The following DLGAP1 variants were observed in gnomAD, a reference collection of about 807,000 sequenced individuals.
DLGAP1 encodes the protein disks large-associated protein 1.
Under a neutral mutation model 90.8 loss-of-function variants are expected in DLGAP1, and 11 were observed. That is an observed-to-expected ratio of 0.12 (90% CI 0.08 to 0.20). The LOEUF is 0.20. DLGAP1 is among the 10% of genes least tolerant of loss of function. The pLI, the probability that DLGAP1 is intolerant of heterozygous loss-of-function variation, is 1.00. For synonymous variants in DLGAP1, 558 were observed against 540.7 expected (o/e 1.03, Z -0.44); for missense variants, 1,050 against 1,333.8 (o/e 0.79, Z 3.31).
intron 1 of DLGAP1, among the ~76,000 whole-genome samples, chr18:4,334,039 G>A (rs1379214641): frequency 6.6e-6 from 1 of 151,578 alleles, no homozygotes; most frequent in Non-Finnish European, 1.5e-5. Context: ...AGGAGTTCGA[G>A]ACCAGCCTGA....
Position 3,729,342 on chromosome 18 carries a change from A to T in DLGAP1, c.1384T>A (p.Ser462Thr). Reference sequence around the variant, plus strand: ...TCGCTGAACACGGACTCGCACACGGACTCGAACTGCCCGTTCACTTCCATC... The same window carrying T: ...TCGCTGAACACGGACTCGCACACGGTCTCGAACTGCCCGTTCACTTCCATC... The part of the protein sequence containing the change: ...SEMEVNGQFE[S>T]VCESVFSELE... The change falls in exon 7 of 13, where the codon TCC (serine) becomes ACC (threonine). Residue 462 changes from serine to threonine, a missense_variant. Physicochemically the swap from Ser to Thr is moderately conservative, Grantham distance 58. This residue lies in a region of DLGAP1 where 565 missense variants were observed against 879.7 expected (regional missense o/e 0.64). Transcript: ENST00000315677. This position sits in a 1 kb window ranked among gnomAD's most constrained non-coding sequence, Gnocchi z 6.2. 3.1e-6 allele frequency: 5 copies of T among 1,613,746 alleles called. No individual in the cohort carries two copies. Among genetic ancestry groups the T allele is most frequent in the Non-Finnish European group, 4.2e-6 (5 of 1,179,766 alleles).
At position 4,114,056 on chromosome 18, in the gene DLGAP1, CTTT is replaced by C. The variant is rs58180172; in HGVS notation, c.-159+37121_-159+37123del. ...AAGTTGAGTAATGTGATGCCTCTGG[CTTT>C]TTTTTTTTTTTTTTTTTGGTTTGCT... On this transcript the variant is annotated intron_variant, in intron 2 of 12. Coordinates refer to ENST00000315677, the MANE Select transcript of DLGAP1 (RefSeq NM_004746.4). Among the ~76,000 whole-genome samples, 540 of 106,894 alleles carry C rather than the reference CTTT, an allele frequency of 5.1e-3. 1 individual carries two copies. The highest frequency in any genetic ancestry group is 0.024 in the South Asian group (84 of 3,464). The allele number at this position is 106,894 out of a possible 152,430, so 70.1% of individuals were successfully genotyped here. A position where few individuals can be genotyped will look rare whatever the true frequency, so the allele number is the denominator to read the frequency against.
At chr18:4,246,270 T>TA (rs199707125) in intron 1 of DLGAP1, among the ~76,000 whole-genome samples, 1,712 of 151,134 alleles carry the variant, frequency 0.011, 16 homozygotes, top group African/African-American at 0.021. Flanking sequence ...CCTGATTTGA[T>TA]AAAAAAAAGG....
chr18:3,879,072 G>C lies in DLGAP1; in HGVS notation c.957+40C>G. The C allele has an allele frequency of 2.1e-6, 3 of 1,434,870 alleles. No individual in the cohort carries two copies. Among genetic ancestry groups the C allele is most frequent in the East Asian group, 2.4e-5 (1 of 40,952 alleles). The allele number at this position is 1,434,870 out of a possible 1,614,324, so 88.9% of individuals were successfully genotyped here. A position where few individuals can be genotyped will look rare whatever the true frequency, so the allele number is the denominator to read the frequency against. On this transcript the variant is annotated intron_variant, in intron 4 of 12. Transcript: ENST00000315677. The surrounding 1 kb of genome is among the most constrained non-coding windows in gnomAD (Gnocchi z 6.6). ...GAGAAATGCCCACACAAGCATGCCA[G>C]GTACTACTTCTAAGCCTCCATCATT...
intron 3 of DLGAP1, among the ~76,000 whole-genome samples, chr18:3,920,395 T>C (rs1442517972): frequency 6.6e-6 from 1 of 150,920 alleles, no homozygotes; most frequent in Non-Finnish European, 1.5e-5. Flanking sequence ...TTTCCTGATC[T>C]GTTTTCGTGA....
intron 3 of DLGAP1, among the ~76,000 whole-genome samples, chr18:3,955,902 C>G (rs2073075560): frequency 6.6e-6 from 1 of 152,022 alleles, no homozygotes; most frequent in African/African-American, 2.4e-5. Context: ...AAATAAAACA[C>G]ATAGAAAAAA....
At chr18:4,315,727 A>G (rs2080509444) in intron 1 of DLGAP1, among the ~76,000 whole-genome samples, 1 of 152,246 alleles carries the variant, frequency 6.6e-6, no homozygotes, top group African/African-American at 2.4e-5. Context: ...GACTGGTAAA[A>G]TTACACAAAC....
chr18:3,511,380 T>C (rs1028794147), intron 10 of DLGAP1, among the ~76,000 whole-genome samples: 7 of 152,190 alleles, frequency 4.6e-5, no homozygotes, highest in Non-Finnish European at 8.8e-5. Context: ...TTCACATTTG[T>C]TGCACATGCC....
At chr18:3,719,514 G>A (rs1213424103) in intron 7 of DLGAP1, among the ~76,000 whole-genome samples, 11 of 136,212 alleles carry the variant, frequency 8.1e-5, no homozygotes, top group East Asian at 2.1e-4. Context: ...CTGAGAGCGC[G>A]CCACTGCACT....
chr18:3,532,258 T>C (rs962820107), intron 10 of DLGAP1, among the ~76,000 whole-genome samples: 3 of 152,180 alleles, frequency 2.0e-5, no homozygotes, highest in Non-Finnish European at 4.4e-5. Context: ...CTCATCATGT[T>C]AAACTCTACT....
intron 1 of DLGAP1, among the ~76,000 whole-genome samples, chr18:4,395,203 C>T (rs1289594904): frequency 6.6e-6 from 1 of 152,168 alleles, no homozygotes; most frequent in African/African-American, 2.4e-5. Flanking sequence ...CACATTTTCC[C>T]CTATTGACAT....
intron 4 of DLGAP1, among the ~76,000 whole-genome samples, chr18:3,828,248 T>C (rs1265621096): frequency 2.0e-5 from 3 of 152,168 alleles, no homozygotes; most frequent in African/African-American, 4.8e-5. Flanking sequence ...TTATCACATG[T>C]GCAAAGTTAG....
At chr18:4,099,353 G>A (rs72872632) in intron 2 of DLGAP1, among the ~76,000 whole-genome samples, 179 of 85,484 alleles carry the variant, frequency 2.1e-3, no homozygotes, top group Non-Finnish European at 2.4e-3. Flanking sequence ...CTATCTGTCT[G>A]TCTGTCTATC....
intron 5 of DLGAP1, among the ~76,000 whole-genome samples, chr18:3,767,291 T>G (rs2064292698): frequency 6.6e-6 from 1 of 152,212 alleles, no homozygotes; most frequent in Admixed American, 6.5e-5. Flanking sequence ...CAGGTCCAGA[T>G]GGTTTCACAG....
Position 3,523,340 on chromosome 18 carries a change from G to T in DLGAP1, c.2479+10854C>A, listed in dbSNP as rs185357977. On this transcript the variant is annotated intron_variant, in intron 10 of 12. Coordinates refer to ENST00000315677, the MANE Select transcript of DLGAP1 (RefSeq NM_004746.4). The stretch of plus-strand genomic sequence containing the variant: ...TGCAGTGAGCCAAGATCACACTACC[G>T]CACTCCAGCCTGGGCAACAGAGCAA... Among the ~76,000 whole-genome samples, 6 of 150,424 alleles carry T rather than the reference G, an allele frequency of 4.0e-5. No individual in the cohort carries two copies. The South Asian group carries it at 1.3e-3, about 31-fold the overall frequency.
chr18:3,753,937 G>A (rs1043316147), intron 5 of DLGAP1, among the ~76,000 whole-genome samples: 12 of 152,174 alleles, frequency 7.9e-5, no homozygotes, highest in South Asian at 6.2e-4. Flanking sequence ...ACCTGGAGAC[G>A]CTCAAGTCCC....
chr18:4,096,468 A>G (rs1243995228), intron 2 of DLGAP1, among the ~76,000 whole-genome samples: 2 of 152,118 alleles, frequency 1.3e-5, no homozygotes, highest in Non-Finnish European at 2.9e-5. Context: ...CTCATCTGCT[A>G]TATGTCCTTT....
At chr18:4,372,064 C>T (rs1054513144) in intron 1 of DLGAP1, among the ~76,000 whole-genome samples, 1 of 152,330 alleles carries the variant, frequency 6.6e-6, no homozygotes, top group Middle Eastern at 3.4e-3. Flanking sequence ...CAAAGATATT[C>T]TTAAAAGCCA....
intron 3 of DLGAP1, among the ~76,000 whole-genome samples, chr18:3,949,978 G>A (rs1304925777): frequency 6.6e-6 from 1 of 152,144 alleles, no homozygotes; most frequent in Non-Finnish European, 1.5e-5. Context: ...AAAAACATTA[G>A]AATAGATGCA....
Sources: allele counts gnomAD v4.1 joint callset (sites outside exome capture counted in the v4.1 genomes callset), GRCh38; gene constraint gnomAD v4.1.1; regional missense constraint gnomAD v4.1.1; non-coding constraint Gnocchi (gnomAD v3.1); transcripts MANE v1.5; gene names NCBI Gene and HGNC (gene_info 2026-07-23, HGNC 2026-07-21).